Variants in CSMD1 observed in about 807,000 individuals in gnomAD.
The protein encoded by CSMD1 is CUB and sushi domain-containing protein 1.
CSMD1 carries 213 observed loss-of-function variants against 417.5 expected under a neutral mutation model. That is an observed-to-expected ratio of 0.51 (90% CI 0.46 to 0.57). The LOEUF is 0.57. Ranked by LOEUF, CSMD1 falls within the 20% of genes least tolerant of loss-of-function variation. CSMD1 has a pLI of 0.00. For missense variants in CSMD1, 6,923 were observed against 4,529.7 expected (o/e 1.53, Z -15.17); for synonymous variants, 2,862 against 1,736.8 (o/e 1.65, Z -16.11).
intron 1 of CSMD1, among the ~76,000 whole-genome samples, chr8:4,917,373 G>T (rs372622021): frequency 6.6e-6 from 1 of 152,154 alleles, no homozygotes; most frequent in African/African-American, 2.4e-5. Flanking sequence ...GGCGGCTCAC[G>T]CCTGTAACCC....
chr8:3,120,707 G>GA (rs1010639883), intron 41 of CSMD1, among the ~76,000 whole-genome samples: 11 of 137,200 alleles, frequency 8.0e-5, no homozygotes, highest in African/African-American at 2.5e-4. Context: ...ATTAGCCAGG[G>GA]GGGGTGACCG....
At chr8:3,432,737 C>G (rs9314490) in intron 12 of CSMD1, among the ~76,000 whole-genome samples, 45,707 of 151,816 alleles carry the variant, frequency 0.3, 7,174 homozygotes, top group East Asian at 0.47. Flanking sequence ...GATGGTCTTG[C>G]TCTCTTGACC....
At chr8:3,385,399 G>C (rs1398918128) in intron 18 of CSMD1, among the ~76,000 whole-genome samples, 2 of 151,128 alleles carry the variant, frequency 1.3e-5, no homozygotes, top group Non-Finnish European at 3.0e-5. Flanking sequence ...TATATCCTAT[G>C]CGGAAATCTA....
At chr8:3,444,176 T>C (rs370425454) in intron 12 of CSMD1, among the ~76,000 whole-genome samples, 3 of 152,174 alleles carry the variant, frequency 2.0e-5, no homozygotes, top group Non-Finnish European at 2.9e-5. Context: ...GATCATAATG[T>C]TGAAATATCA....
intron 1 of CSMD1, among the ~76,000 whole-genome samples, chr8:4,837,228 T>A (rs1800547444): frequency 6.6e-6 from 1 of 152,124 alleles, no homozygotes; most frequent in East Asian, 1.9e-4. Context: ...TGTAAAGCTA[T>A]CATATCATCT....
chr8:4,935,361 T>G (rs891076703), intron 1 of CSMD1, among the ~76,000 whole-genome samples: 2 of 152,236 alleles, frequency 1.3e-5, no homozygotes, highest in African/African-American at 4.8e-5. Context: ...TCGCCCTGTG[T>G]GTATCCTTAC....
rs544266167 is a variant in CSMD1, at chr8:4,097,606, T to C, written c.416-65507A>G. ...AGTAACACCCAGATTGATTAGCTTA[T>C]GTTGGAGATAAGCTATCTGCAACAT... On this transcript the variant is annotated intron_variant, in intron 3 of 69. Transcript: ENST00000635120. Among the ~76,000 whole-genome samples, 17 of 152,356 alleles carry C rather than the reference T, an allele frequency of 1.1e-4. No homozygotes were observed. In the South Asian group the frequency reaches 2.7e-3, roughly 24 times the overall value.
intron 4 of CSMD1, among the ~76,000 whole-genome samples, chr8:4,020,038 C>G (rs553351678): frequency 6.6e-6 from 1 of 151,746 alleles, no homozygotes; most frequent in African/African-American, 2.4e-5. Flanking sequence ...AATCTAAAAT[C>G]GTGCTTAAGA....
chr8:3,462,500 T>C (rs1027537860), intron 12 of CSMD1, among the ~76,000 whole-genome samples: 2 of 152,138 alleles, frequency 1.3e-5, no homozygotes, highest in Non-Finnish European at 2.9e-5. Flanking sequence ...GAACTGCACA[T>C]GCGAGGGATC....
intron 1 of CSMD1, among the ~76,000 whole-genome samples, chr8:4,773,655 T>G (rs1006479596): frequency 6.6e-6 from 1 of 152,188 alleles, no homozygotes; most frequent in Non-Finnish European, 1.5e-5. Flanking sequence ...AGCACTGCAA[T>G]GTGTTTGTGC....
At chr8:4,928,428 T>C (rs1166535478) in intron 1 of CSMD1, among the ~76,000 whole-genome samples, 2 of 152,196 alleles carry the variant, frequency 1.3e-5, no homozygotes, top group African/African-American at 2.4e-5. Flanking sequence ...GATACATCGA[T>C]AACTACTAAC....
intron 1 of CSMD1, among the ~76,000 whole-genome samples, chr8:4,667,330 A>G (rs377195033): frequency 2.0e-5 from 3 of 152,044 alleles, no homozygotes; most frequent in South Asian, 4.1e-4. Context: ...TGTCTTGGCC[A>G]TTCTAGATTC....
intron 1 of CSMD1, among the ~76,000 whole-genome samples, chr8:4,863,961 A>G (rs74846452): frequency 0.011 from 1,646 of 152,134 alleles, 13 homozygotes; most frequent in Non-Finnish European, 0.018. Context: ...ATGTCAAGAC[A>G]TGATTGAAAA....
intron 3 of CSMD1, among the ~76,000 whole-genome samples, chr8:4,367,005 C>G (rs551131342): frequency 7.2e-5 from 11 of 152,202 alleles, no homozygotes; most frequent in Non-Finnish European, 1.2e-4. Flanking sequence ...TGTCTGCTTA[C>G]TCTGTTGATA....
intron 2 of CSMD1, among the ~76,000 whole-genome samples, chr8:4,460,499 GA>G (rs925950927): frequency 1.2e-4 from 18 of 151,704 alleles, no homozygotes; most frequent in African/African-American, 4.1e-4. Flanking sequence ...GTATACAATA[GA>G]AAAAAATGAA....
At chr8:3,142,069 T>C (rs758925414) in intron 41 of CSMD1, among the ~76,000 whole-genome samples, 1 of 152,092 alleles carries the variant, frequency 6.6e-6, no homozygotes, top group Non-Finnish European at 1.5e-5. Flanking sequence ...AGTGCTGGGA[T>C]TACAGGCGTG....
At chr8:3,210,559 G>T (rs1486189854) in intron 30 of CSMD1, among the ~76,000 whole-genome samples, 1 of 63,018 alleles carries the variant, frequency 1.6e-5, no homozygotes, top group East Asian at 4.5e-4. Context: ...GTGTATATAT[G>T]TATAATTCCT....
At chr8:3,871,664 T>A (rs1041470329) in intron 5 of CSMD1, among the ~76,000 whole-genome samples, 2 of 152,218 alleles carry the variant, frequency 1.3e-5, no homozygotes, top group African/African-American at 4.8e-5. Context: ...ACCTTTAATC[T>A]TTTCATACAG....
intron 46 of CSMD1, among the ~76,000 whole-genome samples, chr8:3,101,294 T>C (rs1815721618): frequency 6.6e-6 from 1 of 152,228 alleles, no homozygotes; most frequent in Non-Finnish European, 1.5e-5. Flanking sequence ...AAACCTTTGT[T>C]ATTAATTCTC....
Sources: allele counts gnomAD v4.1 joint callset (sites outside exome capture counted in the v4.1 genomes callset), GRCh38; gene constraint gnomAD v4.1.1; transcripts MANE v1.5; gene names NCBI Gene and HGNC (gene_info 2026-07-23, HGNC 2026-07-21).